The following COL19A1 variants were observed in gnomAD, a reference collection of about 807,000 sequenced individuals.
COL19A1 encodes collagen type XIX alpha 1 chain.
A neutral mutation model predicts 190.2 loss-of-function variants in COL19A1; 159 were observed. The ratio of observed to expected loss-of-function variants is 0.84; its 90% confidence interval spans 0.73 to 0.95. COL19A1 has a LOEUF of 0.95. COL19A1 is among the 40% of genes least tolerant of loss of function. The pLI is 0.00. For missense variants in COL19A1, 1,418 were observed against 1,431.9 expected (o/e 0.99, Z 0.16); for synonymous variants, 509 against 458.9 (o/e 1.11, Z -1.39).
intron 15 of COL19A1, among the ~76,000 whole-genome samples, chr6:70,084,385 A>G (rs987447954): frequency 2.0e-5 from 3 of 152,202 alleles, no homozygotes; most frequent in Non-Finnish European, 2.9e-5. Flanking sequence ...CTCAATAGCC[A>G]TATTTTTCAA....
chr6:70,082,786 T>C (rs909647255), intron 15 of COL19A1, among the ~76,000 whole-genome samples: 7 of 152,170 alleles, frequency 4.6e-5, no homozygotes, highest in Non-Finnish European at 1.0e-4. Flanking sequence ...ATGGGTTTTC[T>C]GGAAGATTTT....
At chr6:69,918,248 T>C (rs1771443245) in intron 4 of COL19A1, among the ~76,000 whole-genome samples, 1 of 152,190 alleles carries the variant, frequency 6.6e-6, no homozygotes, top group Non-Finnish European at 1.5e-5. Context: ...TCATTCTAGC[T>C]GCTATGTGCA....
At chr6:69,930,168 A>G (rs17765889) in intron 6 of COL19A1, among the ~76,000 whole-genome samples, 2,609 of 152,266 alleles carry the variant, frequency 0.017, 25 homozygotes, top group Middle Eastern at 0.034. Flanking sequence ...TAAGCGTATA[A>G]TGGTTTTTCA....
chr6:69,987,890 G>C (rs1453514094), intron 11 of COL19A1, among the ~76,000 whole-genome samples: 1 of 152,150 alleles, frequency 6.6e-6, no homozygotes, highest in Non-Finnish European at 1.5e-5. Flanking sequence ...CAGTAAAAGG[G>C]AAATGTGAAA....
In COL19A1 at chr6:69,929,569, C is replaced by G. The variant is rs142247604; in HGVS notation, c.535C>G (p.Gln179Glu). 20 of 1,613,906 alleles carry G rather than the reference C, an allele frequency of 1.2e-5. No individual in the cohort carries two copies. The highest frequency in any genetic ancestry group is 1.5e-5 in the Non-Finnish European group (18 of 1,179,972). The part of the protein sequence containing the change: ...RQWHKLGISI[Q>E]SQVISLYMDC... ...GTGGCACAAACTTGGCATTAGTATA[C>G]AATCCCAGGTCATTTCACTTTATAT... Residue 179 changes from glutamine (Q) to glutamate (E), a missense_variant, in exon 6 of 51, where the codon CAA (glutamine) becomes GAA (glutamate). By Grantham distance (29) the Gln-to-Glu change is conservative (BLOSUM62 2). Coordinates refer to ENST00000620364, the MANE Select transcript of COL19A1 (RefSeq NM_001858.6).
chr6:70,087,246 T>G (rs1782642082), intron 15 of COL19A1, among the ~76,000 whole-genome samples: 1 of 152,050 alleles, frequency 6.6e-6, no homozygotes, highest in Non-Finnish European at 1.5e-5. Context: ...AATAAATAAG[T>G]TTTAGTGTGG....
chr6:69,901,260 A>C (rs183004062), intron 4 of COL19A1, among the ~76,000 whole-genome samples: 3 of 152,352 alleles, frequency 2.0e-5, no homozygotes, highest in Admixed American at 2.0e-4. Flanking sequence ...GAGAATCTCA[A>C]AATTTGAATT....
chr6:69,932,307 T>A (rs1772809449), intron 6 of COL19A1, among the ~76,000 whole-genome samples: 1 of 151,860 alleles, frequency 6.6e-6, no homozygotes, highest in Admixed American at 6.6e-5. Context: ...AGATAAAAAA[T>A]TTTTTTTCCT....
At chr6:69,915,075 G>T (rs189759392) in intron 4 of COL19A1, among the ~76,000 whole-genome samples, 42 of 152,100 alleles carry the variant, frequency 2.8e-4, no homozygotes, top group African/African-American at 9.4e-4. Flanking sequence ...ATTTGAAACC[G>T]AACTGTTACT....
intron 4 of COL19A1, among the ~76,000 whole-genome samples, chr6:69,902,716 T>C (rs1770267832): frequency 6.6e-6 from 1 of 152,194 alleles, no homozygotes; most frequent in African/African-American, 2.4e-5. Flanking sequence ...ACAGCATATA[T>C]GTTCCCTGGA....
chr6:69,961,793 C>T (rs894536675), intron 10 of COL19A1, among the ~76,000 whole-genome samples: 1 of 151,656 alleles, frequency 6.6e-6, no homozygotes, highest in Non-Finnish European at 1.5e-5. Context: ...AACATATATG[C>T]AATTATGTGG....
intron 9 of COL19A1, among the ~76,000 whole-genome samples, chr6:69,959,042 T>C (rs1774606015): frequency 6.6e-6 from 1 of 152,186 alleles, no homozygotes; most frequent in African/African-American, 2.4e-5. Context: ...ACCTGGAAAC[T>C]CAGAAGCCAA....
chr6:70,110,719 G>A (rs577152507), intron 16 of COL19A1, among the ~76,000 whole-genome samples: 18 of 152,194 alleles, frequency 1.2e-4, no homozygotes, highest in South Asian at 2.1e-4. Flanking sequence ...CTCTCCCTAC[G>A]GACAGCAGCA....
chr6:69,870,733 T>C (rs951412381), intron 1 of COL19A1, among the ~76,000 whole-genome samples: 11 of 151,836 alleles, frequency 7.2e-5, no homozygotes, highest in African/African-American at 2.4e-4. Context: ...TCTTGAGAAG[T>C]AGGGAGGTGG....
chr6:69,879,505 C>G lies in COL19A1; in HGVS notation c.-32-31C>G, dbSNP rs1400375736. The stretch of plus-strand genomic sequence containing the variant: ...GTTGAAAGGAGCTGCATACAATAAA[C>G]TTTATTCAAATTTTTTTTTTTCTGT... On this transcript the variant is annotated intron_variant, in intron 1 of 50. Transcript: ENST00000620364. The G allele has an allele frequency of 5.8e-6, 8 of 1,386,908 alleles. No individual in the cohort carries two copies. In the Admixed American group the frequency reaches 7.0e-5, roughly 12 times the overall value. 85.9% of individuals were successfully genotyped at this position (1,386,908 alleles called of 1,614,324 possible).
chr6:70,156,409 C>A, intron 33 of COL19A1, 40 bp downstream of exon 33: 1 of 1,589,624 alleles, frequency 6.3e-7, no homozygotes, highest in Non-Finnish European at 8.6e-7. Flanking sequence ...GTGGGAACCT[C>A]AATTTAGTAT....
chr6:69,889,350 G>A (rs928782923), intron 2 of COL19A1, among the ~76,000 whole-genome samples: 4 of 152,176 alleles, frequency 2.6e-5, no homozygotes, highest in African/African-American at 9.7e-5. Context: ...CAAGTGATAT[G>A]TTACAATTTC....
intron 14 of COL19A1, among the ~76,000 whole-genome samples, chr6:70,038,033 A>T (rs1562109060): frequency 6.6e-6 from 1 of 152,248 alleles, no homozygotes; most frequent in Non-Finnish European, 1.5e-5. Context: ...CAAAATAGGG[A>T]TAAACTAAAA....
chr6:69,905,317 G>A (rs1188591081), intron 4 of COL19A1, among the ~76,000 whole-genome samples: 2 of 152,220 alleles, frequency 1.3e-5, no homozygotes, highest in African/African-American at 4.8e-5. Context: ...TCTCTCAACA[G>A]CAGCTTACAC....
Sources: gnomAD v4.1 joint callset for allele counts (sites outside exome capture counted in the v4.1 genomes callset) on GRCh38, gnomAD v4.1.1 for gene constraint, MANE v1.5 for transcripts, NCBI Gene and HGNC (gene_info 2026-07-23, HGNC 2026-07-21) for gene names.